PPARGC1B: variants seen among roughly 807,000 people sequenced by gnomAD.
The protein encoded by PPARGC1B is peroxisome proliferator-activated receptor gamma coactivator 1-beta.
PPARGC1B carries 34 observed loss-of-function variants against 101.6 expected under a neutral mutation model. The ratio of observed to expected loss-of-function variants is 0.33; its 90% CI spans 0.25 to 0.45. The LOEUF is 0.45. Among genes scored for constraint, PPARGC1B ranks in the 20% least tolerant of loss-of-function variants. PPARGC1B has a pLI of 1.00. For synonymous variants in PPARGC1B, 548 were observed against 539.3 expected, an observed-to-expected ratio of 1.02 and a Z score of -0.22; for missense variants, 1,234 against 1,317.6, an observed-to-expected ratio of 0.94 and a Z score of 0.98.
chr5:149,769,576 C>T (rs766363033), intron 1 of PPARGC1B, among the ~76,000 whole-genome samples: 2 of 152,302 alleles, frequency 1.3e-5, no homozygotes, highest in South Asian at 2.1e-4. Flanking sequence ...AGGTTTCTCA[C>T]TTATACGTTG....
At chr5:149,834,460 T>C (rs985500305) in intron 5 of PPARGC1B, among the ~76,000 whole-genome samples, 2 of 152,238 alleles carry the variant, frequency 1.3e-5, no homozygotes, top group African/African-American at 4.8e-5. Context: ...GTTTGTACTT[T>C]CTGCAAAATC....
In PPARGC1B at chr5:149,849,017, T is replaced by C. The variant is rs922836588; in HGVS notation, c.*1459T>C. ...CTGTGGGTACCTTGGGGGCCATTCA[T>C]GCAGGGAGCATGGCCAGGCAGGGTA... On this transcript the variant is annotated 3_prime_UTR_variant, in exon 12 of 12. Coordinates refer to ENST00000309241, the MANE Select transcript of PPARGC1B (RefSeq NM_133263.4). 1.3e-5 allele frequency: 2 copies of C among 152,228 alleles called. No individual in the cohort carries two copies. The highest frequency in any genetic ancestry group is 4.8e-5 in the African/African-American group (2 of 41,460). 9.4% of individuals were successfully genotyped at this position (152,228 alleles called of 1,614,324 possible).
In PPARGC1B at chr5:149,832,876, T is replaced by G. The variant is rs1305858978; in HGVS notation, c.803T>G (p.Leu268Arg). ...QPAPASPRDSLALGRADPGAP... is the reference protein window; with the variant it reads ...QPAPASPRDSRALGRADPGAP... ...GCTCCAGCCTCTCCCCGGGACTCCC[T>G]AGCTCTGGGCAGGGCAGACCCCGGT... Residue 268 changes from leucine (L) to arginine (R), a missense_variant, in exon 5 of 12, where the codon CTA becomes CGA. Coordinates refer to ENST00000309241, the MANE Select transcript of PPARGC1B (RefSeq NM_133263.4). The surrounding 1 kb of genome is among the most constrained non-coding windows in gnomAD (Gnocchi z 4.9). 6.2e-7 allele frequency: 1 copy of G among 1,612,734 alleles called. No individual in the cohort carries two copies.
chr5:149,740,321 T>C (rs1754866811), intron 1 of PPARGC1B, among the ~76,000 whole-genome samples: 1 of 152,206 alleles, frequency 6.6e-6, no homozygotes, highest in South Asian at 2.1e-4. Context: ...GTTGAGGCAA[T>C]GTCTGTAAAG....
rs201630695 is a variant in PPARGC1B at position 149,833,193 on chromosome 5, A to G, written c.1120A>G (p.Arg374Gly). 148 of 1,613,284 alleles carry G rather than the reference A, an allele frequency of 9.2e-5. No individual in the cohort carries two copies. The highest frequency in any genetic ancestry group is 6.6e-4 in the Middle Eastern group (4 of 6,084). Reference sequence around the variant, plus strand: ...TTATGCCTCCCTCACACCTCGGTCAAGGCCCAGGCCCCCCAAAGACAGTCA... The same window carrying G: ...TTATGCCTCCCTCACACCTCGGTCAGGGCCCAGGCCCCCCAAAGACAGTCA... The part of the protein sequence containing the change: ...PVYASLTPRS[R>G]PRPPKDSQAS... The change falls in exon 5 of 12, where the codon AGG becomes GGG. Residue 374 changes from arginine to glycine, a missense_variant. This residue lies in a region of PPARGC1B where 734 missense variants were observed against 768.4 expected (regional missense o/e 0.96). Transcript: ENST00000309241. This position sits in a 1 kb window ranked among gnomAD's most constrained non-coding sequence, Gnocchi z 4.1.
chr5:149,784,560 C>CTTTTTTTTTTTTTTTTTTTT (rs72364863), intron 1 of PPARGC1B, among the ~76,000 whole-genome samples: 1 of 75,716 alleles, frequency 1.3e-5, no homozygotes, highest in Non-Finnish European at 2.4e-5. Flanking sequence ...AACTGAGTTT[C>CTTTTTTTTTTTTTTTTTTTT]TTTTTTTTTT....
At chr5:149,812,012 T>C (rs1163950096) in intron 1 of PPARGC1B, among the ~76,000 whole-genome samples, 1 of 152,086 alleles carries the variant, frequency 6.6e-6, no homozygotes, top group East Asian at 1.9e-4. Context: ...TCCTGTGGGG[T>C]CGCCTTACTC....
rs1325153772 is a variant in PPARGC1B at position 149,730,914 on chromosome 5, G to A, written c.78+494G>A. Among the ~76,000 whole-genome samples, 2 of 152,236 alleles carry A rather than the reference G, an allele frequency of 1.3e-5. No individual in the cohort carries two copies. Among genetic ancestry groups the A allele is most frequent in the Non-Finnish European group, 2.9e-5 (2 of 68,038 alleles). On this transcript the variant is annotated intron_variant, in intron 1 of 11. Coordinates refer to ENST00000309241, the MANE Select transcript of PPARGC1B (RefSeq NM_133263.4). This position sits in a 1 kb window ranked among gnomAD's most constrained non-coding sequence, Gnocchi z 4.0. ...AGAGTGCTGTTGCTGGCCCCCCGCGGCTTTCTACCCGCGCCCGCAGCGCGG... is the reference window on the plus strand; with the variant it reads ...AGAGTGCTGTTGCTGGCCCCCCGCGACTTTCTACCCGCGCCCGCAGCGCGG...
At chr5:149,734,316 A>C (rs1261373603) in intron 1 of PPARGC1B, among the ~76,000 whole-genome samples, 1 of 111,580 alleles carries the variant, frequency 9.0e-6, no homozygotes, top group Non-Finnish European at 1.8e-5. Flanking sequence ...AGCGAAACTC[A>C]TTCTCAAAAA....
intron 1 of PPARGC1B, among the ~76,000 whole-genome samples, chr5:149,794,384 CTG>C (rs1757129437): frequency 6.6e-6 from 1 of 152,206 alleles, no homozygotes; most frequent in African/African-American, 2.4e-5. Flanking sequence ...TGAGAGGAAA[CTG>C]AGGCCCATGT....
chr5:149,817,925 CA>C (rs1758121454), intron 1 of PPARGC1B: 2 of 428,914 alleles, frequency 4.7e-6, no homozygotes, highest in Admixed American at 4.9e-5. Context: ...GCAAGTATTG[CA>C]GACTTACTAG....
chr5:149,774,098 C>T (rs1756257592), intron 1 of PPARGC1B, among the ~76,000 whole-genome samples: 1 of 152,200 alleles, frequency 6.6e-6, no homozygotes, highest in Admixed American at 6.5e-5. Context: ...CTGGGTCCCC[C>T]TTTCAGCTCT....
At chr5:149,770,399 C>T (rs2113184550) in intron 1 of PPARGC1B, among the ~76,000 whole-genome samples, 1 of 152,316 alleles carries the variant, frequency 6.6e-6, no homozygotes, top group East Asian at 1.9e-4. Context: ...ACGTACAGGA[C>T]ATCATCGCTT....
chr5:149,847,586 T>G lies in PPARGC1B; in HGVS notation c.*28T>G. 6.6e-7 allele frequency: 1 copy of G among 1,505,810 alleles called. No individual in the cohort carries two copies. Among genetic ancestry groups the G allele is most frequent in the Non-Finnish European group, 9.2e-7 (1 of 1,082,060 alleles). The allele number at this position is 1,505,810 out of a possible 1,614,324, so 93.3% of individuals were successfully genotyped here. ...ACAGCCTTAACCCTCGAGGAATACC[T>G]CAATACCTCAGACAAGGCCCTTCCA... On this transcript the variant is annotated 3_prime_UTR_variant, in exon 12 of 12. Transcript: ENST00000309241.
chr5:149,755,052 C>CATATATATATATAT (rs1199839991), intron 1 of PPARGC1B, among the ~76,000 whole-genome samples: 1,294 of 108,816 alleles, frequency 0.012, 16 homozygotes, highest in Middle Eastern at 0.029. Context: ...TATACATATA[C>CATATATATATATAT]ATATATATAT....
At position 149,852,550 on chromosome 5, in the gene PPARGC1B, C is replaced by G. The variant is rs1759804911; in HGVS notation, c.*4992C>G. The stretch of plus-strand genomic sequence containing the variant: ...CCGGGACAGATCTAAGCCATAGTTT[C>G]TAGTGGGGACAGTAAGGAATTAAAC... On this transcript the variant is annotated 3_prime_UTR_variant, in exon 12 of 12. Coordinates refer to ENST00000309241, the MANE Select transcript of PPARGC1B (RefSeq NM_133263.4). 2 of 152,128 alleles carry G rather than the reference C, an allele frequency of 1.3e-5. No homozygotes were observed. Among genetic ancestry groups the G allele is most frequent in the African/African-American group, 4.8e-5 (2 of 41,412 alleles). The allele number at this position is 152,128 out of a possible 1,614,324, so 9.4% of individuals were successfully genotyped here.
At chr5:149,790,760 G>A (rs926807289) in intron 1 of PPARGC1B, among the ~76,000 whole-genome samples, 27 of 152,122 alleles carry the variant, frequency 1.8e-4, no homozygotes, top group Non-Finnish European at 3.8e-4. Flanking sequence ...ATGGGACCGG[G>A]CAATCCACTC....
Position 149,837,142 on chromosome 5 carries a change from C to T in PPARGC1B, c.2618+69C>T. On this transcript the variant is annotated intron_variant, in intron 8 of 11. Transcript: ENST00000309241. The surrounding 1 kb of genome is among the most constrained non-coding windows in gnomAD (Gnocchi z 4.2). The stretch of plus-strand genomic sequence containing the variant: ...TCCCAGTTCCCGGGGAGCCAGGAGC[C>T]CCAGGAGGGAGGATCCCTGGGAAGC... 3 of 1,524,212 alleles carry T rather than the reference C, an allele frequency of 2.0e-6. No individual in the cohort carries two copies. Among genetic ancestry groups the T allele is most frequent in the Admixed American group, 2.1e-5 (1 of 46,548 alleles). The allele number at this position is 1,524,212 out of a possible 1,614,324, so 94.4% of individuals were successfully genotyped here.
At chr5:149,803,231 C>A (rs1396160205) in intron 1 of PPARGC1B, among the ~76,000 whole-genome samples, 2 of 152,174 alleles carry the variant, frequency 1.3e-5, no homozygotes, top group Non-Finnish European at 2.9e-5. Flanking sequence ...GACTCCCCAT[C>A]CAGTGTTCTC....
Sources: gnomAD v4.1 joint callset for allele counts (sites outside exome capture counted in the v4.1 genomes callset) on GRCh38, gnomAD v4.1.1 for gene constraint, gnomAD v4.1.1 regional missense constraint, Gnocchi (gnomAD v3.1) non-coding constraint, MANE v1.5 for transcripts, NCBI Gene and HGNC (gene_info 2026-07-23, HGNC 2026-07-21) for gene names.